The following SLC8A1 variants were observed in gnomAD, a reference collection of about 807,000 sequenced individuals.
SLC8A1 encodes solute carrier family 8 member A1.
Under a neutral mutation model 68.3 loss-of-function variants are expected in SLC8A1, and 18 were observed. The ratio of observed to expected loss-of-function variants is 0.26; its 90% CI spans 0.18 to 0.39. The LOEUF (loss-of-function observed/expected upper bound fraction) is 0.39. Among genes scored for constraint, SLC8A1 ranks in the 10% least tolerant of loss-of-function variants. The pLI is 1.00. For missense variants in SLC8A1, 985 were observed against 1,156.7 expected, an observed-to-expected ratio of 0.85 and a Z score of 2.15; for synonymous variants, 475 against 415.5, an observed-to-expected ratio of 1.14 and a Z score of -1.74.
At chr2:40,111,987 A>G (rs999685027) in exon 8 of SLC8A1, 8 of 152,214 alleles carry the variant, frequency 5.3e-5, no homozygotes, top group African/African-American at 1.4e-4. Flanking sequence ...AATGTCCAAC[A>G]TATATCTCAG....
exon 8 of SLC8A1, chr2:40,099,977 C>T (rs1381640299): frequency 6.6e-6 from 1 of 152,070 alleles, no homozygotes; most frequent in Non-Finnish European, 1.5e-5. Context: ...ACCAATGTCT[C>T]CTCGGTGTGA....
chr2:40,208,466 G>A (rs1197925762), intron 2 of SLC8A1: 1 of 152,188 alleles, frequency 6.6e-6, no homozygotes, highest in Non-Finnish European at 1.5e-5. Flanking sequence ...CACTGGGCAG[G>A]AAGGGGAGGG....
upstream of SLC8A1, among the ~76,000 whole-genome samples, chr2:40,452,418 C>T (rs1702673889): frequency 6.6e-6 from 1 of 152,256 alleles, no homozygotes; most frequent in East Asian, 1.9e-4. Flanking sequence ...CTCGGCCCCG[C>T]AGTGCGTTGT....
chr2:40,277,794 G>GTATATATATATATATATATA (rs56145701), intron 2 of SLC8A1, among the ~76,000 whole-genome samples: 11 of 108,006 alleles, frequency 1.0e-4, no homozygotes, highest in East Asian at 3.6e-4. Context: ...ATATATGTGT[G>GTATATATATATATATATATA]TATATATATA....
chr2:40,328,906 C>A (rs911141388), intron 2 of SLC8A1, among the ~76,000 whole-genome samples: 1 of 152,076 alleles, frequency 6.6e-6, no homozygotes, highest in African/African-American at 2.4e-5. Context: ...CTTTTAAGAG[C>A]ACAGAGTAGA....
At chr2:40,326,929 A>C (rs554938644) in intron 2 of SLC8A1, among the ~76,000 whole-genome samples, 9 of 152,218 alleles carry the variant, frequency 5.9e-5, no homozygotes, top group Admixed American at 2.0e-4. Flanking sequence ...TCATTAGTAG[A>C]AATTGCTAAT....
At chr2:40,261,624 C>T (rs1444283046) in intron 2 of SLC8A1, among the ~76,000 whole-genome samples, 1 of 152,146 alleles carries the variant, frequency 6.6e-6, no homozygotes, top group Non-Finnish European at 1.5e-5. Flanking sequence ...TCTATGTCAG[C>T]CATTCAGTGG....
intron 2 of SLC8A1, among the ~76,000 whole-genome samples, chr2:40,227,694 T>A (rs187460096): frequency 6.6e-6 from 1 of 152,058 alleles, no homozygotes; most frequent in African/African-American, 2.4e-5. Context: ...TTTGTACCCC[T>A]AAACTTAAAA....
At chr2:40,136,540 A>G (rs1251202134) in intron 7 of SLC8A1, among the ~76,000 whole-genome samples, 1 of 152,204 alleles carries the variant, frequency 6.6e-6, no homozygotes, top group Non-Finnish European at 1.5e-5. Flanking sequence ...AGAATATCAG[A>G]CACTAGGAAA....
chr2:40,185,061 C>G (rs532823057), intron 2 of SLC8A1, among the ~76,000 whole-genome samples: 16 of 152,190 alleles, frequency 1.1e-4, no homozygotes, highest in Non-Finnish European at 1.9e-4. Context: ...CTGGGAGATA[C>G]CATGTCACAC....
chr2:40,284,844 G>A (rs1409708774), intron 2 of SLC8A1, among the ~76,000 whole-genome samples: 1 of 151,974 alleles, frequency 6.6e-6, no homozygotes, highest in South Asian at 2.1e-4. Flanking sequence ...AGAGGATGCT[G>A]TATCCACTTC....
At chr2:40,241,185 C>A (rs1448601897) in intron 2 of SLC8A1, among the ~76,000 whole-genome samples, 1 of 152,130 alleles carries the variant, frequency 6.6e-6, no homozygotes, top group Admixed American at 6.6e-5. Flanking sequence ...AGAACAAAAT[C>A]ATGGTTTTTG....
chr2:40,355,464 T>G (rs931886349), intron 2 of SLC8A1, among the ~76,000 whole-genome samples: 7 of 152,196 alleles, frequency 4.6e-5, no homozygotes, highest in Admixed American at 1.3e-4. Flanking sequence ...AAGGGCACTG[T>G]TGGAGGGGTG....
chr2:40,299,188 A>G (rs903064242), intron 2 of SLC8A1, among the ~76,000 whole-genome samples: 1 of 152,108 alleles, frequency 6.6e-6, no homozygotes, highest in African/African-American at 2.4e-5. Context: ...GGCTGCACCT[A>G]CCAGCTAATG....
At chr2:40,191,298 A>T (rs1190488029) in intron 2 of SLC8A1, among the ~76,000 whole-genome samples, 1 of 152,156 alleles carries the variant, frequency 6.6e-6, no homozygotes, top group Non-Finnish European at 1.5e-5. Flanking sequence ...ACTTACTTGA[A>T]TGTTTAAATC....
At chr2:40,375,684 G>C (rs1183586997) in intron 2 of SLC8A1, among the ~76,000 whole-genome samples, 1 of 152,072 alleles carries the variant, frequency 6.6e-6, no homozygotes, top group Non-Finnish European at 1.5e-5. Context: ...ACTGAAACAA[G>C]TTAATCACTT....
chr2:40,434,636 G>A (rs1699040994), intron 1 of SLC8A1, among the ~76,000 whole-genome samples: 1 of 152,040 alleles, frequency 6.6e-6, no homozygotes, highest in African/African-American at 2.4e-5. Context: ...TGATTTTTAT[G>A]GTGGATTCAG....
chr2:40,139,288 C>T, intron 7 of SLC8A1, 113 bp downstream of exon 10: 1 of 1,214,264 alleles, frequency 8.2e-7, no homozygotes, highest in South Asian at 1.5e-5. Context: ...GGGCTCTCGT[C>T]TTTCATAGGT....
intron 2 of SLC8A1, among the ~76,000 whole-genome samples, chr2:40,271,672 G>A (rs1343548599): frequency 6.6e-6 from 1 of 152,140 alleles, no homozygotes; most frequent in Non-Finnish European, 1.5e-5. Context: ...TTGCACATTG[G>A]AGGTATTCAA....
Sources: gnomAD v4.1 joint callset for allele counts (sites outside exome capture counted in the v4.1 genomes callset) on GRCh38, gnomAD v4.1.1 for gene constraint, MANE v1.5 for transcripts, NCBI Gene and HGNC (gene_info 2026-07-23, HGNC 2026-07-21) for gene names.